Variants in PHLDB1 observed in about 807,000 individuals in gnomAD.
The protein encoded by PHLDB1 is pleckstrin homology-like domain family B member 1.
In PHLDB1, 65 loss-of-function variants were observed where a neutral mutation model predicts 139.3. The ratio of observed to expected loss-of-function variants is 0.47; its 90% CI spans 0.38 to 0.57. PHLDB1 has a LOEUF of 0.57. PHLDB1 is among the 20% of genes least tolerant of loss of function. PHLDB1 has a pLI of 0.00. For synonymous variants in PHLDB1, 679 were observed against 734.5 expected, an observed-to-expected ratio of 0.92 and a Z score of 1.22; for missense variants, 1,624 against 1,839.7, an observed-to-expected ratio of 0.88 and a Z score of 2.14.
intron 1 of PHLDB1, 160 bp from the exon 2 acceptor site, chr11:118,613,656 A>G (rs1447653478): frequency 1.7e-6 from 1 of 588,514 alleles, no homozygotes; most frequent in Non-Finnish European, 2.9e-6. Flanking sequence ...GACAACTCCC[A>G]CCCAAGCTCT....
chr11:118,632,850 C>G lies in PHLDB1; in HGVS notation c.2379+554C>G. The G allele has an allele frequency of 1.0e-6, 1 of 985,424 alleles. No homozygotes were observed. Among genetic ancestry groups the G allele is most frequent in the South Asian group, 4.7e-5 (1 of 21,304 alleles). 61.0% of individuals were successfully genotyped at this position (985,424 alleles called of 1,614,324 possible). On this transcript the variant is annotated intron_variant, in intron 9 of 22. Transcript: ENST00000600882. The surrounding 1 kb of genome is among the most constrained non-coding windows in gnomAD (Gnocchi z 5.9). ...GGGGCCACTCCCAGATGCCCAACAC[C>G]GTGCCAAAAGCTCTGAAGTGGAGAG...
chr11:118,655,972 C>A, intron 22 of PHLDB1, 80 bp downstream of exon 22: 1 of 1,030,232 alleles, frequency 9.7e-7, no homozygotes, highest in South Asian at 1.3e-5. Flanking sequence ...ACCTCCCCTT[C>A]ATCCCCCTCC....
At position 118,648,034 on chromosome 11, in the gene PHLDB1, G is replaced by A; in HGVS notation, c.3612G>A (p.Leu1204=). ...LQSESARRQQ[L]VEKEVKMREK... Reference sequence around the variant, plus strand: ...GTGAGAGTGCCCGGAGGCAGCAGCTGGTCGAGAAGGAGGTCAAGATGCGGG... The same window carrying A: ...GTGAGAGTGCCCGGAGGCAGCAGCTAGTCGAGAAGGAGGTCAAGATGCGGG... The change falls in exon 18 of 23, where the codon CTG becomes CTA. Residue 1204 remains leucine, a synonymous_variant. Coordinates refer to ENST00000600882, the MANE Select transcript of PHLDB1 (RefSeq NM_001144758.3). 1 of 1,613,418 alleles carries A rather than the reference G, an allele frequency of 6.2e-7. No homozygotes were observed. The highest frequency in any genetic ancestry group is 2.2e-5 in the East Asian group (1 of 44,862).
At chr11:118,625,886 T>C (rs953442916) in intron 5 of PHLDB1, among the ~76,000 whole-genome samples, 3 of 152,168 alleles carry the variant, frequency 2.0e-5, no homozygotes, top group East Asian at 1.9e-4. Context: ...CTTTCCCTTC[T>C]CTTTTCCCTA....
Position 118,645,538 on chromosome 11 carries a change from G to T in PHLDB1, c.3304G>T (p.Gly1102Trp). ...CCACCTGCCTGCGGGGCGGGAGCGT[G>T]GGGAGGAGGGTGAGCACGCCTATGA... ...LHHLPAGRER[G>W]EEGEHAYDTL... is the part of the protein sequence containing the mutation. The change falls in exon 16 of 23, where the codon GGG becomes TGG. Residue 1102 changes from glycine (G) to tryptophan (W), a missense_variant. Physicochemically the swap from Gly to Trp is radical, Grantham distance 184. Coordinates refer to ENST00000600882, the MANE Select transcript of PHLDB1 (RefSeq NM_001144758.3). The surrounding 1 kb of genome is among the most constrained non-coding windows in gnomAD (Gnocchi z 5.1). 2 of 1,613,304 alleles carry T rather than the reference G, an allele frequency of 1.2e-6. No individual in the cohort carries two copies. The highest frequency in any genetic ancestry group is 8.5e-7 in the Non-Finnish European group (1 of 1,179,654).
upstream of PHLDB1, chr11:118,606,439 A>G (rs1555079565): frequency 6.6e-6 from 1 of 152,214 alleles, no homozygotes; most frequent in African/African-American, 2.4e-5. Context: ...AGACGGCACA[A>G]ACTAAACTCA....
chr11:118,635,396 G>A lies in PHLDB1; in HGVS notation c.2383G>A (p.Ala795Thr). 14 of 1,584,256 alleles carry A rather than the reference G, an allele frequency of 8.8e-6. No individual in the cohort carries two copies. Among genetic ancestry groups the A allele is most frequent in the Non-Finnish European group, 1.2e-5 (14 of 1,167,242 alleles). ...TGIQKERDKEAEALETETKLF... is the reference protein window; with the variant it reads ...TGIQKERDKETEALETETKLF... ...CCCTTTGTCACTGTCGTTGAAGGAG[G>A]CAGAGGCCCTGGAGACTGAGACAAA... Residue 795 changes from alanine (A) to threonine (T), a missense_variant, in exon 10 of 23, where the codon GCA (alanine) becomes ACA (threonine). Coordinates refer to ENST00000600882, the MANE Select transcript of PHLDB1 (RefSeq NM_001144758.3).
intron 1 of PHLDB1, chr11:118,613,467 C>A (rs1940915173): frequency 6.0e-6 from 6 of 999,294 alleles, no homozygotes; most frequent in Non-Finnish European, 3.6e-6. Context: ...TTTCCCCACC[C>A]TGCTTAAGGC....
rs1029999685 is a variant in PHLDB1, at chr11:118,645,628, T to C, written c.3394T>C (p.Cys1132Arg). The change falls in exon 16 of 23, where the codon TGC becomes CGC. Residue 1132 changes from cysteine (C) to arginine (R), a missense_variant. Coordinates refer to ENST00000600882, the MANE Select transcript of PHLDB1 (RefSeq NM_001144758.3). The surrounding 1 kb of genome is among the most constrained non-coding windows in gnomAD (Gnocchi z 5.1). ...TSISTGGNSACSPDNMSSASG... is the reference protein window; with the variant it reads ...TSISTGGNSARSPDNMSSASG... ...CATCTCCACCGGGGGCAACTCGGCC[T>C]GCTCCCCTGACAACATGTCCAGGTA... The C allele has an allele frequency of 3.1e-6, 5 of 1,613,020 alleles. No homozygotes were observed. Among genetic ancestry groups the C allele is most frequent in the Admixed American group, 3.3e-5 (2 of 59,978 alleles).
At chr11:118,635,322 G>A in intron 9 of PHLDB1, 71 bp from the exon 10 acceptor site, 2 of 1,485,364 alleles carry the variant, frequency 1.3e-6, no homozygotes, top group Non-Finnish European at 1.8e-6. Flanking sequence ...GCATGCCCCT[G>A]TGGCCTGGTC....
At chr11:118,630,082 G>A (rs1555108553) in intron 6 of PHLDB1, 1 of 1,286,120 alleles carries the variant, frequency 7.8e-7, no homozygotes, top group South Asian at 1.2e-5. Flanking sequence ...AGGGAAGCTG[G>A]GTAAGTGTAT....
rs886348612 is a variant in PHLDB1 at position 118,644,391 on chromosome 11, A to T, written c.3121+217A>T. The T allele has an allele frequency of 5.1e-5, 29 of 571,204 alleles. No homozygotes were observed. In the African/African-American group the frequency reaches 5.3e-4, roughly 10 times the overall value. The allele number at this position is 571,204 out of a possible 1,614,324, so 35.4% of individuals were successfully genotyped here. ...GACTAAGGGCTTAGGGGGCTGTGAC[A>T]TCTTTCCTAGAGAGCCTAGCCAATA... is the stretch of plus-strand genomic sequence containing the variant. On this transcript the variant is annotated intron_variant, in intron 15 of 22. Coordinates refer to ENST00000600882, the MANE Select transcript of PHLDB1 (RefSeq NM_001144758.3).
At chr11:118,625,581 C>T (rs1306963760) in intron 5 of PHLDB1, among the ~76,000 whole-genome samples, 1 of 152,210 alleles carries the variant, frequency 6.6e-6, no homozygotes. Flanking sequence ...CAACACAGGC[C>T]CCCTCAGCCC....
intron 1 of PHLDB1, among the ~76,000 whole-genome samples, chr11:118,609,701 C>T (rs1043995940): frequency 1.1e-4 from 17 of 152,242 alleles, no homozygotes; most frequent in Non-Finnish European, 2.2e-4. Context: ...CTCTGCCCCG[C>T]CAAAGAAAGG....
chr11:118,628,691 A>G (rs782231047), intron 6 of PHLDB1, 41 bp downstream of exon 6: 1 of 1,559,394 alleles, frequency 6.4e-7, no homozygotes, highest in Non-Finnish European at 8.6e-7. Flanking sequence ...TCCATGGCAG[A>G]GTCTCTGCCA....
chr11:118,619,284 C>T (rs1321901561), intron 4 of PHLDB1, among the ~76,000 whole-genome samples: 1 of 152,178 alleles, frequency 6.6e-6, no homozygotes, highest in African/African-American at 2.4e-5. Flanking sequence ...GGTCTCCAGT[C>T]TCCTTCATTC....
chr11:118,635,342 C>G, intron 9 of PHLDB1, 51 bp from the exon 10 acceptor site: 1 of 1,523,732 alleles, frequency 6.6e-7, no homozygotes, highest in Non-Finnish European at 8.8e-7. Flanking sequence ...CTTCCAGGCC[C>G]AGAGTGGCAT....
At chr11:118,639,579 T>C (rs1470469093) in intron 12 of PHLDB1, 3 of 433,222 alleles carry the variant, frequency 6.9e-6, no homozygotes, top group Non-Finnish European at 8.5e-6. Context: ...GGACTCACCT[T>C]GAAGGGGAGC....
chr11:118,655,989 C>T lies in PHLDB1; in HGVS notation c.3993+97C>T, dbSNP rs145218815. 2.3e-3 allele frequency: 2,159 copies of T among 921,320 alleles called. 39 individuals are homozygous for T. In the East Asian group the frequency reaches 0.036, roughly 15 times the overall value. 57.1% of individuals were successfully genotyped at this position (921,320 alleles called of 1,614,324 possible). A position where few individuals can be genotyped will look rare whatever the true frequency, so the allele number is the denominator to read the frequency against. ...CTCCCCTTCATCCCCCTCCCTTCCC[C>T]CAGGCCCAAGGGAGGAGCAGAAAGC... is the stretch of plus-strand genomic sequence containing the variant. On this transcript the variant is annotated intron_variant, in intron 22 of 22. Coordinates refer to ENST00000600882, the MANE Select transcript of PHLDB1 (RefSeq NM_001144758.3).
Sources: allele counts gnomAD v4.1 joint callset (sites outside exome capture counted in the v4.1 genomes callset), GRCh38; gene constraint gnomAD v4.1.1; non-coding constraint Gnocchi (gnomAD v3.1); transcripts MANE v1.5; gene names NCBI Gene and HGNC (gene_info 2026-07-23, HGNC 2026-07-21).